The following SEL1L2 variants were observed in gnomAD, a reference collection of about 807,000 sequenced individuals.
SEL1L2 encodes SEL1L2 adaptor subunit of SYVN1 ubiquitin ligase.
In SEL1L2, 89 loss-of-function variants were observed where a neutral mutation model predicts 98.8. The observed-to-expected ratio is 0.90, with a 90% CI of 0.76 to 1.07. The LOEUF (loss-of-function observed/expected upper bound fraction) is 1.07. Among genes scored for constraint, SEL1L2 ranks in the 50% least tolerant of loss-of-function variants. The pLI is 0.00. For missense variants in SEL1L2, 788 were observed against 812.0 expected, an observed-to-expected ratio of 0.97 and a Z score of 0.36; for synonymous variants, 262 against 278.5, an observed-to-expected ratio of 0.94 and a Z score of 0.59.
At chr20:13,941,276 C>A (rs1198670519) in intron 2 of SEL1L2, among the ~76,000 whole-genome samples, 1 of 152,160 alleles carries the variant, frequency 6.6e-6, no homozygotes, top group Non-Finnish European at 1.5e-5. Flanking sequence ...TAACTGCCTG[C>A]CTGAGACTGT....
intron 4 of SEL1L2, among the ~76,000 whole-genome samples, chr20:13,916,870 T>G (rs536784622): frequency 6.6e-6 from 1 of 152,146 alleles, no homozygotes; most frequent in Admixed American, 6.5e-5. Context: ...CAGGACAGTC[T>G]TGGTAAGAAT....
chr20:13,896,524 C>CAA, intron 5 of SEL1L2, among the ~76,000 whole-genome samples: 1 of 147,270 alleles, frequency 6.8e-6, no homozygotes, highest in African/African-American at 2.5e-5. Context: ...CCCCCACACA[C>CAA]AAAAAACTAA....
chr20:13,973,458 C>T (rs1387918684), intron 1 of SEL1L2: 1 of 152,150 alleles, frequency 6.6e-6, no homozygotes, highest in Non-Finnish European at 1.5e-5. Flanking sequence ...TTCCGTTAGC[C>T]TGTCTGTGAA....
chr20:13,866,994 A>G, intron 14 of SEL1L2, 144 bp from the exon 15 acceptor site: 1 of 747,314 alleles, frequency 1.3e-6, no homozygotes, highest in Non-Finnish European at 1.9e-6. Context: ...TAAATCCACT[A>G]TTTGTGAAGG....
chr20:13,922,235 CA>C (rs2048697042), intron 3 of SEL1L2, among the ~76,000 whole-genome samples: 1 of 151,830 alleles, frequency 6.6e-6, no homozygotes, highest in Non-Finnish European at 1.5e-5. Context: ...ACTTTTAATG[CA>C]ATTTTTTTTA....
chr20:13,858,579 C>A (rs7261981), intron 18 of SEL1L2, among the ~76,000 whole-genome samples: 2,087 of 152,266 alleles, frequency 0.014, 47 homozygotes, highest in African/African-American at 0.047. Flanking sequence ...CAATGCCTGG[C>A]TATTATTATC....
chr20:13,886,887 CAAA>C (rs11475673), intron 8 of SEL1L2, among the ~76,000 whole-genome samples: 1 of 130,388 alleles, frequency 7.7e-6, no homozygotes. Flanking sequence ...TACTCTGTCT[CAAA>C]AAAAAAAAAA....
intron 2 of SEL1L2, among the ~76,000 whole-genome samples, chr20:13,933,499 A>C (rs1341283997): frequency 6.6e-6 from 1 of 152,212 alleles, no homozygotes; most frequent in African/African-American, 2.4e-5. Context: ...GCGGACATTC[A>C]TATGAATAGA....
At chr20:13,904,961 C>A (rs2047856443) in intron 5 of SEL1L2, among the ~76,000 whole-genome samples, 1 of 152,178 alleles carries the variant, frequency 6.6e-6, no homozygotes, top group Non-Finnish European at 1.5e-5. Context: ...GCCTGATCCT[C>A]CTGGAGAAAT....
chr20:13,915,892 T>C (rs931609184), intron 4 of SEL1L2, among the ~76,000 whole-genome samples: 1 of 152,172 alleles, frequency 6.6e-6, no homozygotes, highest in Non-Finnish European at 1.5e-5. Context: ...GGGTCTGGCA[T>C]TGGACGCTTA....
At chr20:13,942,302 G>A (rs183695136) in intron 2 of SEL1L2, among the ~76,000 whole-genome samples, 1 of 152,302 alleles carries the variant, frequency 6.6e-6, no homozygotes, top group African/African-American at 2.4e-5. Context: ...TTTCTAAAGA[G>A]TATGAACACT....
intron 1 of SEL1L2, among the ~76,000 whole-genome samples, chr20:13,964,464 TTTTC>T (rs76923362): frequency 6.9e-6 from 1 of 145,166 alleles, no homozygotes. Context: ...TTTTTTTTTT[TTTTC>T]TGAGACAGAG....
chr20:13,951,513 C>T (rs1373406563), intron 2 of SEL1L2, among the ~76,000 whole-genome samples: 1 of 108,670 alleles, frequency 9.2e-6, no homozygotes, highest in Admixed American at 9.8e-5. Flanking sequence ...GCAGGAGAAT[C>T]TCTTGAATCC....
chr20:13,969,153 G>A lies in SEL1L2; in HGVS notation c.59-13022C>T, dbSNP rs551882667. Among the ~76,000 whole-genome samples the A allele has an allele frequency of 9.8e-5, 15 of 152,328 alleles. No homozygotes were observed. In the South Asian group the frequency reaches 1.2e-3, roughly 13 times the overall value. ...AAATACTCAAACTACTTGTTTTGTT[G>A]TCACTAGTTGAAGTGGCTGAAATAT... is the stretch of plus-strand genomic sequence containing the variant. On this transcript the variant is annotated intron_variant, in intron 1 of 19. Transcript: ENST00000284951.
chr20:13,917,791 T>C (rs1262583910), intron 4 of SEL1L2, among the ~76,000 whole-genome samples: 3 of 108,194 alleles, frequency 2.8e-5, no homozygotes, highest in African/African-American at 3.8e-5. Flanking sequence ...TCTTTCTTTT[T>C]TTTTTTTTTT....
At chr20:13,939,022 G>T (rs1393148512) in intron 2 of SEL1L2, among the ~76,000 whole-genome samples, 3 of 103,890 alleles carry the variant, frequency 2.9e-5, no homozygotes, top group African/African-American at 1.1e-4. Context: ...TTTTCTTTTT[G>T]GTTTGTTTGC....
rs1036080519 is a variant in SEL1L2 at position 13,933,963 on chromosome 20, G to T, written c.115-2192C>A. Reference sequence around the variant, plus strand: ...TACATAATAGCTCAGTAAACCTAAGGTTTTTTTTTTTTTTAATTTCCACAG... The same window carrying T: ...TACATAATAGCTCAGTAAACCTAAGTTTTTTTTTTTTTTTAATTTCCACAG... On this transcript the variant is annotated intron_variant, in intron 2 of 19. Coordinates refer to ENST00000284951, the MANE Select transcript of SEL1L2 (RefSeq NM_025229.2). 2.6e-3 allele frequency among the ~76,000 whole-genome samples: 379 copies of T among 143,830 alleles called. 7 individuals are homozygous for T. Among genetic ancestry groups the T allele is most frequent in the East Asian group, 0.023 (112 of 4,930 alleles). The allele number at this position is 143,830 out of a possible 152,430, so 94.4% of individuals were successfully genotyped here. A position where few individuals can be genotyped will look rare whatever the true frequency, so the allele number is the denominator to read the frequency against.
intron 1 of SEL1L2, among the ~76,000 whole-genome samples, chr20:13,964,017 A>T (rs2148480325): frequency 6.6e-6 from 1 of 152,076 alleles, no homozygotes; most frequent in South Asian, 2.1e-4. Context: ...GATTACAGGC[A>T]CGTGCCACCA....
At chr20:13,889,103 G>A (rs951348220) in intron 5 of SEL1L2, among the ~76,000 whole-genome samples, 2 of 151,550 alleles carry the variant, frequency 1.3e-5, no homozygotes, top group Non-Finnish European at 2.9e-5. Flanking sequence ...GGAATTACAG[G>A]TGCCCACCAC....
Sources: allele counts gnomAD v4.1 joint callset (sites outside exome capture counted in the v4.1 genomes callset), GRCh38; gene constraint gnomAD v4.1.1; transcripts MANE v1.5; gene names NCBI Gene and HGNC (gene_info 2026-07-23, HGNC 2026-07-21).